The following GLOD4 variants were observed in gnomAD, a reference collection of about 807,000 sequenced individuals.
GLOD4 encodes glyoxalase domain-containing protein 4.
Under a neutral mutation model 39.1 loss-of-function variants are expected in GLOD4, and 44 were observed. The observed-to-expected ratio is 1.13, with a 90% CI of 0.88 to 1.45. The LOEUF (loss-of-function observed/expected upper bound fraction) is 1.45, where lower values mean the gene tolerates loss of function less well. Ranked by LOEUF, GLOD4 falls within the 40% of genes most tolerant of loss-of-function variation. GLOD4 has a pLI of 0.00. For missense variants in GLOD4, 405 were observed against 366.4 expected (o/e 1.11, Z -0.86); for synonymous variants, 145 against 135.0 (o/e 1.07, Z -0.52).
chr17:780,464 C>T (rs181104067), intron 1 of GLOD4, among the ~76,000 whole-genome samples: 1 of 152,228 alleles, frequency 6.6e-6, no homozygotes, highest in African/African-American at 2.4e-5. Flanking sequence ...GTGCCATCTC[C>T]GCACTGGCTC....
chr17:775,004 G>C (rs916627675), intron 4 of GLOD4, among the ~76,000 whole-genome samples: 1 of 151,852 alleles, frequency 6.6e-6, no homozygotes, highest in Admixed American at 6.6e-5. Context: ...GGGAGGCGGA[G>C]GTTGCAAGTG....
intron 1 of GLOD4, chr17:781,752 C>T (rs2144498651): frequency 5.5e-6 from 1 of 180,512 alleles, no homozygotes; most frequent in East Asian, 1.6e-4. Context: ...ACTATTCAGA[C>T]CAGCCTTGCT....
intron 8 of GLOD4, 40 bp from the exon 9 acceptor site, chr17:760,278 G>A (rs765263827): frequency 1.7e-6 from 2 of 1,146,590 alleles, no homozygotes; most frequent in Non-Finnish European, 2.7e-6. Flanking sequence ...CTCCAAGCCT[G>A]AAAAACAAAA....
chr17:765,686 C>T (rs924882730), intron 8 of GLOD4, among the ~76,000 whole-genome samples: 10 of 151,230 alleles, frequency 6.6e-5, no homozygotes, highest in Admixed American at 2.0e-4. Flanking sequence ...CCTTGTGATC[C>T]GCCCGCCTCG....
chr17:769,997 T>C (rs953243593), intron 7 of GLOD4, 42 bp from the exon 8 acceptor site: 10 of 1,557,728 alleles, frequency 6.4e-6, no homozygotes, highest in Non-Finnish European at 8.9e-6. Context: ...AAGACATCCT[T>C]GAAGAAACCC....
chr17:774,245 C>T lies in GLOD4; in HGVS notation c.406+1530G>A, dbSNP rs553333862. 7.9e-4 allele frequency among the ~76,000 whole-genome samples: 120 copies of T among 152,118 alleles called. 2 individuals are homozygous for T. Among genetic ancestry groups the T allele is most frequent in the Non-Finnish European group, 1.6e-3 (109 of 68,024 alleles). ...GACGGATCTTTCTTTTGCTGAGCAC[C>T]GGATGATAAACAAGGAGCACTGAAC... On this transcript the variant is annotated intron_variant, in intron 4 of 8. Coordinates refer to ENST00000301329, the MANE Select transcript of GLOD4 (RefSeq NM_016080.4).
upstream of GLOD4, chr17:783,536 C>G (rs570073522): frequency 9.4e-6 from 4 of 426,098 alleles, no homozygotes; most frequent in Admixed American, 3.8e-5. Flanking sequence ...GGGGTTTCAC[C>G]ATGTTGGCCA....
chr17:777,400 G>C (rs1909142097), intron 2 of GLOD4: 3 of 165,054 alleles, frequency 1.8e-5, no homozygotes, highest in Admixed American at 1.7e-4. Context: ...CCAGCACTTT[G>C]GGAGGCCGAG....
chr17:766,947 A>T (rs532645694), intron 8 of GLOD4, among the ~76,000 whole-genome samples: 1 of 152,354 alleles, frequency 6.6e-6, no homozygotes, highest in South Asian at 2.1e-4. Context: ...AGCGAGGAGG[A>T]AGAGTCTGGC....
intron 4 of GLOD4, 152 bp from the exon 5 acceptor site, chr17:771,613 A>C: frequency 2.0e-6 from 1 of 488,730 alleles, no homozygotes; most frequent in South Asian, 3.3e-5. Flanking sequence ...CATGCCTGTA[A>C]TGCCAGCACT....
At chr17:779,824 G>A (rs149575155) in intron 1 of GLOD4, among the ~76,000 whole-genome samples, 46 of 152,174 alleles carry the variant, frequency 3.0e-4, no homozygotes, top group African/African-American at 8.2e-4. Context: ...TGATTCCCAC[G>A]GCTCCTGCCA....
chr17:760,304 A>G (rs1363211130), intron 8 of GLOD4, 66 bp from the exon 9 acceptor site: 1 of 852,070 alleles, frequency 1.2e-6, no homozygotes, highest in East Asian at 2.4e-5. Flanking sequence ...AGCCCACTTT[A>G]TATCTCACTG....
intron 1 of GLOD4, among the ~76,000 whole-genome samples, chr17:781,516 G>C (rs1254937914): frequency 6.6e-6 from 1 of 152,132 alleles, no homozygotes; most frequent in Non-Finnish European, 1.5e-5. Flanking sequence ...CTATTGCACC[G>C]TCTATACACT....
upstream of GLOD4, chr17:783,108 A>G (rs764346542): frequency 6.2e-7 from 1 of 1,613,670 alleles, no homozygotes; most frequent in East Asian, 2.2e-5. Flanking sequence ...AGTAAAGTCC[A>G]GGCCATTTCG....
intron 1 of GLOD4, among the ~76,000 whole-genome samples, chr17:781,023 C>T (rs1342133734): frequency 2.0e-5 from 3 of 149,794 alleles, no homozygotes; most frequent in Non-Finnish European, 4.4e-5. Flanking sequence ...CAGATACAGG[C>T]GATTCTCTTG....
intron 3 of GLOD4, 41 bp downstream of exon 3, chr17:776,827 T>G (rs767258005): frequency 6.5e-7 from 1 of 1,543,970 alleles, no homozygotes; most frequent in Non-Finnish European, 9.0e-7. Context: ...ACCAGCCACC[T>G]ACCCCCAGCC....
At chr17:778,570 T>G in intron 2 of GLOD4, 125 bp downstream of exon 2, 1 of 733,190 alleles carries the variant, frequency 1.4e-6, no homozygotes, top group Non-Finnish European at 2.5e-6. Flanking sequence ...GCTCCTGAAG[T>G]TGCCTCCCTA....
Position 776,881 on chromosome 17 carries a change from C to A in GLOD4, c.248G>T (p.Gly83Val). Reference protein sequence around the residue: ...YNYGVGDYKLGNDFMGITLAS... With the variant: ...YNYGVGDYKLVNDFMGITLAS... Reference sequence around the variant, plus strand: ...AACGGTATTTACCATAAAGTCATTGCCAAGCTTGTAGTCTCCGACGCCATA... The same window carrying A: ...AACGGTATTTACCATAAAGTCATTGACAAGCTTGTAGTCTCCGACGCCATA... Residue 83 changes from glycine to valine, a missense_variant, in exon 3 of 9, where the codon GGC becomes GTC. Gly to Val is a moderately radical substitution (Grantham distance 109). Transcript: ENST00000301329. 1 of 1,613,450 alleles carries A rather than the reference C, an allele frequency of 6.2e-7. No homozygotes were observed. The highest frequency in any genetic ancestry group is 8.5e-7 in the Non-Finnish European group (1 of 1,179,370).
intron 8 of GLOD4, chr17:764,793 G>C (rs577439250): frequency 6.6e-6 from 1 of 150,524 alleles, no homozygotes; most frequent in African/African-American, 2.4e-5. Flanking sequence ...TGGATCACAA[G>C]GTCAGGAGAT....
Sources: allele counts gnomAD v4.1 joint callset (sites outside exome capture counted in the v4.1 genomes callset), GRCh38; gene constraint gnomAD v4.1.1; transcripts MANE v1.5; gene names NCBI Gene and HGNC (gene_info 2026-07-23, HGNC 2026-07-21).